Variants in DNAH3 observed in about 807,000 individuals in gnomAD.
DNAH3 encodes the protein dynein axonemal heavy chain 3, also known as axonemal beta dynein heavy chain 3.
A neutral mutation model predicts 432.5 loss-of-function variants in DNAH3; 332 were observed. That is an observed-to-expected ratio of 0.77 (90% CI 0.70 to 0.84). The LOEUF (loss-of-function observed/expected upper bound fraction) is 0.84. DNAH3 is among the 40% of genes least tolerant of loss of function. The pLI is 0.00. For missense variants in DNAH3, 4,861 were observed against 5,114.0 expected, an observed-to-expected ratio of 0.95 and a Z score of 1.51; for synonymous variants, 1,956 against 1,900.2, an observed-to-expected ratio of 1.03 and a Z score of -0.76.
Position 21,072,045 on chromosome 16 carries a change from G to A in DNAH3, c.3085-1219C>T, listed in dbSNP as rs373036405. 1.2e-4 allele frequency among the ~76,000 whole-genome samples: 18 copies of A among 152,198 alleles called. No homozygotes were observed. In the South Asian group the frequency reaches 3.1e-3, roughly 26 times the overall value. On this transcript the variant is annotated intron_variant, in intron 21 of 61. Coordinates refer to ENST00000261383, the Ensembl canonical transcript of DNAH3. ...TATTAGTTTTTCTTTCATTGTAGGT[G>A]TATTTTTTTCAAACAGTGCCTAAGT...
At chr16:20,938,669 C>CAAAAAAAA (rs901953556) in intron 59 of DNAH3, among the ~76,000 whole-genome samples, 1 of 81,904 alleles carries the variant, frequency 1.2e-5, no homozygotes, top group African/African-American at 4.7e-5. Flanking sequence ...GGTGAAAAGG[C>CAAAAAAAA]AAAAAAAAAA....
At chr16:21,069,553 A>G in exon 23 of DNAH3, 1 of 1,613,170 alleles carries the variant, frequency 6.2e-7, no homozygotes, top group Non-Finnish European at 8.5e-7. Context: ...TCAACCAGGC[A>G]TCCAAATTGT....
rs1045719419 is a variant in DNAH3, at chr16:21,093,772, G to A, written c.2665+3583C>T. Among the ~76,000 whole-genome samples the A allele has an allele frequency of 8.5e-5, 13 of 152,242 alleles. No individual in the cohort carries two copies. The East Asian group carries it at 1.3e-3, about 16-fold the overall frequency. The stretch of plus-strand genomic sequence containing the variant: ...GAATAGAGTCAAGACATCAACCCAC[G>A]AAGATATGGACAACTGATTTTTGAC... On this transcript the variant is annotated intron_variant, in intron 18 of 61. Transcript: ENST00000261383.
intron 51 of DNAH3, among the ~76,000 whole-genome samples, chr16:20,971,148 A>G (rs2085325295): frequency 6.6e-6 from 1 of 151,848 alleles, no homozygotes; most frequent in South Asian, 2.1e-4. Flanking sequence ...GATTACAAGC[A>G]TGAGCCTCTG....
At chr16:20,951,641 G>A (rs1596919140) in intron 56 of DNAH3, among the ~76,000 whole-genome samples, 1 of 150,044 alleles carries the variant, frequency 6.7e-6, no homozygotes, top group Non-Finnish European at 1.5e-5. Context: ...ATGGGATTTT[G>A]CCCCAGCCGG....
intron 1 of DNAH3, chr16:21,159,265 C>T: frequency 1.4e-6 from 2 of 1,407,214 alleles, no homozygotes; most frequent in East Asian, 2.3e-5. Flanking sequence ...GTACTCGACT[C>T]CCCTCTGAGT....
intron 59 of DNAH3, among the ~76,000 whole-genome samples, chr16:20,938,520 C>G (rs1042031523): frequency 1.3e-5 from 2 of 152,094 alleles, no homozygotes; most frequent in Non-Finnish European, 2.9e-5. Context: ...CAAAGATTCT[C>G]TTTCTATTCT....
chr16:21,000,292 GA>G lies in DNAH3; in HGVS notation c.6352del (p.Ser2118ProfsTer15), dbSNP rs763303339. On this transcript the variant is annotated frameshift_variant, in exon 43 of 62. Coordinates refer to ENST00000261383, the Ensembl canonical transcript of DNAH3. LOFTEE classifies it high-confidence loss of function. ...GCCCTTCCGTCGTCGATCCAGCTTG[GA>G]CATGATGATATCCTGGGTCTGATTG... 12 of 1,614,142 alleles carry G rather than the reference GA, an allele frequency of 7.4e-6. No individual in the cohort carries two copies. The South Asian group carries it at 1.2e-4, about 16-fold the overall frequency.
Position 20,964,217 on chromosome 16 carries a change from G to A in DNAH3, c.9667C>T (p.Gln3223Ter). 6.2e-7 allele frequency: 1 copy of A among 1,614,096 alleles called. No homozygotes were observed. Among genetic ancestry groups the A allele is most frequent in the Non-Finnish European group, 8.5e-7 (1 of 1,180,022 alleles). Residue 3223 changes from glutamine (Q) to a stop codon, truncating the protein, a stop_gained, in exon 53 of 62, where the codon CAG becomes TAG. Transcript: ENST00000261383. LOFTEE classifies it high-confidence loss of function. ...TTCTTGGCACTTTCCACAATCAACTGGTTCTTTTTCTCTTCCAGCTCTGGC... is the reference window on the plus strand; with the variant it reads ...TTCTTGGCACTTTCCACAATCAACTAGTTCTTTTTCTCTTCCAGCTCTGGC...
exon 51 of DNAH3, chr16:20,975,385 G>C (rs2085539482): frequency 6.2e-7 from 1 of 1,614,200 alleles, no homozygotes. Context: ...TGAGGTTGAA[G>C]AGCTGTCAGT....
intron 18 of DNAH3, among the ~76,000 whole-genome samples, chr16:21,092,543 T>A (rs1272883001): frequency 6.6e-6 from 1 of 150,660 alleles, no homozygotes; most frequent in Non-Finnish European, 1.5e-5. Context: ...TAGGAGAAAA[T>A]ATGGATGACC....
At chr16:21,100,736 G>C (rs2091816766) in intron 16 of DNAH3, among the ~76,000 whole-genome samples, 1 of 152,126 alleles carries the variant, frequency 6.6e-6, no homozygotes, top group African/African-American at 2.4e-5. Flanking sequence ...AAATGATGGG[G>C]GAGAGAGGCA....
intron 1 of DNAH3, among the ~76,000 whole-genome samples, chr16:21,155,621 C>CAAAAA (rs369001374): frequency 1.3e-5 from 1 of 76,738 alleles, no homozygotes; most frequent in Non-Finnish European, 2.4e-5. Context: ...GACTCCGTCT[C>CAAAAA]AAAAAAAAAA....
intron 12 of DNAH3, among the ~76,000 whole-genome samples, 166 bp downstream of exon 12, chr16:21,117,037 C>T (rs1257837345): frequency 6.6e-6 from 1 of 152,108 alleles, no homozygotes; most frequent in Admixed American, 6.6e-5. Flanking sequence ...AGAGTTTCCT[C>T]ATTTGTAAAG....
rs371230772 is a variant in DNAH3, at chr16:21,113,997, T to C, written c.1815-1899A>G. Among the ~76,000 whole-genome samples, 186 of 152,332 alleles carry C rather than the reference T, an allele frequency of 1.2e-3. 3 individuals are homozygous for C. In the South Asian group the frequency reaches 0.038, roughly 31 times the overall value. Reference sequence around the variant, plus strand: ...TATACTGTTTTTTCCTATACACATATATGTATTTATGATAAAGTTTAATTT... The same window carrying C: ...TATACTGTTTTTTCCTATACACATACATGTATTTATGATAAAGTTTAATTT... On this transcript the variant is annotated intron_variant, in intron 12 of 61. Transcript: ENST00000261383.
intron 32 of DNAH3, 84 bp from the exon 33 acceptor site, chr16:21,040,027 G>T: frequency 8.7e-7 from 1 of 1,155,596 alleles, no homozygotes; most frequent in South Asian, 1.3e-5. Flanking sequence ...AAGGGAAGTA[G>T]CTTTGCTTCA....
chr16:21,087,411 C>A (rs113969103), intron 18 of DNAH3, among the ~76,000 whole-genome samples: 1 of 152,106 alleles, frequency 6.6e-6, no homozygotes, highest in Admixed American at 6.6e-5. Flanking sequence ...TGACCAGTTG[C>A]AATGGCTTAC....
At chr16:20,965,524 C>T in intron 52 of DNAH3, 99 bp from the exon 53 acceptor site, 2 of 1,095,338 alleles carry the variant, frequency 1.8e-6, no homozygotes, top group Non-Finnish European at 2.5e-6. Flanking sequence ...AAAACAAAAA[C>T]AAAAACATGG....
chr16:21,047,023 T>G (rs1289173500), intron 31 of DNAH3, among the ~76,000 whole-genome samples: 2 of 152,172 alleles, frequency 1.3e-5, no homozygotes. Flanking sequence ...TTCTGGCTTG[T>G]AGGGTTTCTG....
Sources: allele counts gnomAD v4.1 joint callset (sites outside exome capture counted in the v4.1 genomes callset), GRCh38; gene constraint gnomAD v4.1.1; transcripts MANE v1.5; gene names NCBI Gene and HGNC (gene_info 2026-07-23, HGNC 2026-07-21).